The following COL9A1 variants were observed in gnomAD, a reference collection of about 807,000 sequenced individuals.
The protein encoded by COL9A1 is collagen alpha-1(IX) chain.
COL9A1 carries 104 observed loss-of-function variants against 142.6 expected under a neutral mutation model. The observed-to-expected ratio is 0.73, with a 90% CI of 0.62 to 0.86. COL9A1 has a LOEUF of 0.86. Among genes scored for constraint, COL9A1 ranks in the 40% least tolerant of loss-of-function variants. COL9A1 has a pLI of 0.00. For missense variants in COL9A1, 1,210 were observed against 1,176.6 expected, an observed-to-expected ratio of 1.03 and a Z score of -0.42; for synonymous variants, 466 against 396.0, an observed-to-expected ratio of 1.18 and a Z score of -2.10.
chr6:70,280,515 G>A (rs1773077164), intron 10 of COL9A1: 2 of 1,360,354 alleles, frequency 1.5e-6, no homozygotes, highest in South Asian at 3.2e-5. Flanking sequence ...GGGGCTGAGA[G>A]TTCACAGCGT....
chr6:70,283,902 A>G, intron 5 of COL9A1, 82 bp from the exon 6 acceptor site: 1 of 964,436 alleles, frequency 1.0e-6, no homozygotes, highest in South Asian at 1.4e-5. Flanking sequence ...AGTTGCGTCT[A>G]ATTGTTAAAT....
chr6:70,223,070 G>T (rs1460735325), intron 37 of COL9A1, among the ~76,000 whole-genome samples: 1 of 152,144 alleles, frequency 6.6e-6, no homozygotes, highest in Admixed American at 6.5e-5. Context: ...TTGTGATTTG[G>T]AGTTGAAGTA....
At chr6:70,240,608 T>G (rs1020602989) in intron 32 of COL9A1, 81 bp downstream of exon 32, 141 of 826,228 alleles carry the variant, frequency 1.7e-4, no homozygotes, top group Non-Finnish European at 2.4e-4. Flanking sequence ...AATTTTGAAC[T>G]GTGTTAGAAG....
At position 70,300,147 on chromosome 6, in the gene COL9A1, T is replaced by A; in HGVS notation, c.195A>T (p.Val65=). The change falls in exon 4 of 38, where the codon GTA becomes GTT. Residue 65 remains valine (V), a synonymous_variant. Transcript: ENST00000357250. ...PGFDLISQFQ[V]DKAASRRAIQ... Reference sequence around the variant, plus strand: ...TAGCTCTTCTAGATGCTGCTTTATCTACCTGGAACTGAGAGATCAGATCAA... The same window carrying A: ...TAGCTCTTCTAGATGCTGCTTTATCAACCTGGAACTGAGAGATCAGATCAA... 6.2e-7 allele frequency: 1 copy of A among 1,613,960 alleles called. No homozygotes were observed. Among genetic ancestry groups the A allele is most frequent in the South Asian group, 1.1e-5 (1 of 91,072 alleles).
intron 10 of COL9A1, among the ~76,000 whole-genome samples, chr6:70,279,104 T>G (rs1049305570): frequency 6.6e-6 from 1 of 152,246 alleles, no homozygotes; most frequent in Non-Finnish European, 1.5e-5. Flanking sequence ...TTTAATTTAG[T>G]CAGAAATTTT....
chr6:70,223,599 T>A (rs555741372), intron 37 of COL9A1, among the ~76,000 whole-genome samples: 2 of 152,266 alleles, frequency 1.3e-5, no homozygotes, highest in South Asian at 4.1e-4. Flanking sequence ...ATGCACGGTG[T>A]CAACAAGAGA....
At chr6:70,291,673 C>A (rs1773666205) in intron 5 of COL9A1, among the ~76,000 whole-genome samples, 2 of 152,132 alleles carry the variant, frequency 1.3e-5, no homozygotes, top group East Asian at 1.9e-4. Context: ...AAACTTCTCA[C>A]TTTTTAAAAA....
chr6:70,262,455 G>A (rs1442871489), intron 19 of COL9A1, among the ~76,000 whole-genome samples: 1 of 152,156 alleles, frequency 6.6e-6, no homozygotes, highest in African/African-American at 2.4e-5. Flanking sequence ...CCAGTCCTGT[G>A]GAGAAGAGCA....
At chr6:70,235,004 C>T in intron 33 of COL9A1, 64 bp from the exon 34 acceptor site, 1 of 1,601,874 alleles carries the variant, frequency 6.2e-7, no homozygotes, top group Non-Finnish European at 8.5e-7. Context: ...GCTTCATACT[C>T]ATATAAACAC....
At chr6:70,220,310 C>G (rs1166689746) in intron 37 of COL9A1, among the ~76,000 whole-genome samples, 5 of 151,904 alleles carry the variant, frequency 3.3e-5, no homozygotes, top group South Asian at 2.1e-4. Flanking sequence ...AAATGAGGAC[C>G]CTTAACCACT....
intron 36 of COL9A1, among the ~76,000 whole-genome samples, chr6:70,227,529 C>T (rs1769311061): frequency 6.7e-6 from 1 of 149,774 alleles, no homozygotes. Context: ...GGAATATGCA[C>T]TATTATGAAT....
At chr6:70,242,628 G>C (rs749511958) in intron 29 of COL9A1, 34 bp downstream of exon 29, 14 of 1,588,700 alleles carry the variant, frequency 8.8e-6, no homozygotes, top group African/African-American at 1.3e-5. Context: ...ATTGTGTTTC[G>C]TAGAAGGCAA....
chr6:70,260,875 C>A, intron 19 of COL9A1, 165 bp from the exon 20 acceptor site: 1 of 619,466 alleles, frequency 1.6e-6, no homozygotes. Context: ...TTAGAAAGTC[C>A]AAGGAGAATT....
chr6:70,226,066 C>G (rs1769208523), intron 36 of COL9A1, 57 bp from the exon 37 acceptor site: 1 of 1,430,902 alleles, frequency 7.0e-7, no homozygotes, highest in African/African-American at 1.4e-5. Flanking sequence ...TAAACTTCCG[C>G]ATCTTTAAAC....
intron 37 of COL9A1, among the ~76,000 whole-genome samples, chr6:70,220,379 G>GT (rs1259622324): frequency 1.1e-5 from 1 of 88,720 alleles, no homozygotes; most frequent in African/African-American, 4.5e-5. Flanking sequence ...GGTGTGGAGG[G>GT]GTGTGGCAGG....
At chr6:70,242,975 A>G (rs1192671704) in intron 28 of COL9A1, among the ~76,000 whole-genome samples, 2 of 152,242 alleles carry the variant, frequency 1.3e-5, no homozygotes, top group Non-Finnish European at 2.9e-5. Context: ...TCTAAATCAC[A>G]TCCTAACTTT....
chr6:70,236,970 C>T (rs534730246), intron 33 of COL9A1, among the ~76,000 whole-genome samples: 3 of 152,108 alleles, frequency 2.0e-5, no homozygotes, highest in Non-Finnish European at 2.9e-5. Context: ...TACAGGCGTG[C>T]GCCATGACAC....
chr6:70,280,971 G>C, intron 9 of COL9A1, 33 bp downstream of exon 9: 1 of 1,613,430 alleles, frequency 6.2e-7, no homozygotes, highest in Non-Finnish European at 8.5e-7. Flanking sequence ...CTAAAGGAAG[G>C]AAGTGGAGCG....
intron 17 of COL9A1, among the ~76,000 whole-genome samples, 200 bp downstream of exon 17, chr6:70,268,604 C>T (rs1000538500): frequency 1.3e-5 from 2 of 152,160 alleles, no homozygotes; most frequent in African/African-American, 4.8e-5. Flanking sequence ...ACTAGAAAGC[C>T]ATCCTATGAT....
Sources: allele counts gnomAD v4.1 joint callset (sites outside exome capture counted in the v4.1 genomes callset), GRCh38; gene constraint gnomAD v4.1.1; transcripts MANE v1.5; gene names NCBI Gene and HGNC (gene_info 2026-07-23, HGNC 2026-07-21).